Variants in VANGL2 observed in about 807,000 individuals in gnomAD.
VANGL2 encodes VANGL planar cell polarity protein 2.
Under a neutral mutation model 50.2 loss-of-function variants are expected in VANGL2, and 14 were observed. That is an observed-to-expected ratio of 0.28 (90% CI 0.18 to 0.44). The LOEUF (loss-of-function observed/expected upper bound fraction) is 0.44, where lower values mean the gene tolerates loss of function less well. VANGL2 is among the 20% of genes least tolerant of loss of function. The pLI, the probability that VANGL2 is intolerant of heterozygous loss-of-function variation, is 1.00. For missense variants in VANGL2, 533 were observed against 701.5 expected (o/e 0.76, Z 2.71); for synonymous variants, 295 against 297.2 (o/e 0.99, Z 0.08).
In VANGL2 at chr1:160,425,120, C is replaced by T. The variant is rs1486576623; in HGVS notation, c.1308C>T (p.Ala436=). ...FCITHDMTPK[A]FLERYLAAGP... ...GCAGCCCCTTCTTTCCACTTCAGGC[C>T]TTCTTGGAGCGATACTTGGCGGCTG... is the stretch of plus-strand genomic sequence containing the variant. The change falls in exon 8 of 8, where the codon GCC becomes GCT. Residue 436 remains alanine, a splice_region_variant and synonymous_variant. Coordinates refer to ENST00000368061, the MANE Select transcript of VANGL2 (RefSeq NM_020335.3). 6.2e-7 allele frequency: 1 copy of T among 1,613,996 alleles called. No individual in the cohort carries two copies. Among genetic ancestry groups the T allele is most frequent in the Non-Finnish European group, 8.5e-7 (1 of 1,179,952 alleles).
chr1:160,413,840 C>T (rs1336817643), intron 1 of VANGL2, among the ~76,000 whole-genome samples: 1 of 152,186 alleles, frequency 6.6e-6, no homozygotes, highest in African/African-American at 2.4e-5. Flanking sequence ...CCAGCTCAGA[C>T]TGTCCTCCAA....
At chr1:160,411,235 TG>T (rs1650871306) in intron 1 of VANGL2, among the ~76,000 whole-genome samples, 1 of 151,838 alleles carries the variant, frequency 6.6e-6, no homozygotes, top group African/African-American at 2.4e-5. Flanking sequence ...TCTTGGGAAG[TG>T]GGGGGCAAGG....
Position 160,415,920 on chromosome 1 carries a change from T to G in VANGL2, c.71+12T>G. 3 of 1,614,176 alleles carry G rather than the reference T, an allele frequency of 1.9e-6. No individual in the cohort carries two copies. The highest frequency in any genetic ancestry group is 1.1e-5 in the South Asian group (1 of 91,070). ...TCCCGCAAGCACAGGTGGGCAGGCA[T>G]GCAGGGTGACATGCGTGGCGGAGGG... is the stretch of plus-strand genomic sequence containing the variant. On this transcript the variant is annotated intron_variant, in intron 2 of 7. Coordinates refer to ENST00000368061, the MANE Select transcript of VANGL2 (RefSeq NM_020335.3).
At chr1:160,413,479 G>A (rs1420851141) in intron 1 of VANGL2, among the ~76,000 whole-genome samples, 1 of 151,962 alleles carries the variant, frequency 6.6e-6, no homozygotes, top group African/African-American at 2.4e-5. Flanking sequence ...GGCCAGGCTG[G>A]TCTTGAACTC....
chr1:160,421,160 A>T lies in VANGL2; in HGVS notation c.1046A>T (p.Glu349Val). ...TACTACTATGAGGAGGCTGAGCATG[A>T]GCGAAGGGTGCGCAAGAGGAGGGCC... The part of the protein sequence containing the change: ...NEYYYEEAEH[E>V]RRVRKRRARL... Residue 349 changes from glutamate (E) to valine (V), a missense_variant, in exon 6 of 8, where the codon GAG becomes GTG. Physicochemically the swap from Glu to Val is moderately radical, Grantham distance 121. Coordinates refer to ENST00000368061, the MANE Select transcript of VANGL2 (RefSeq NM_020335.3). 6.2e-7 allele frequency: 1 copy of T among 1,613,830 alleles called. No individual in the cohort carries two copies.
rs1651412096 is a variant in VANGL2 at position 160,425,294 on chromosome 1, C to T, written c.1482C>T (p.Val494=). Residue 494 remains valine, a synonymous_variant, in exon 8 of 8, where the codon GTC becomes GTT. Transcript: ENST00000368061. ...GCCTGGTGGTCAGCACCAAGAAGGT[C>T]CCATTCTTCAAACTCTCCGAGGAAT... The part of the protein sequence containing the change: ...DFSLVVSTKK[V]PFFKLSEEFV... 5 of 1,614,006 alleles carry T rather than the reference C, an allele frequency of 3.1e-6. No homozygotes were observed. In the African/African-American group the frequency reaches 6.7e-5, roughly 22 times the overall value.
chr1:160,417,094 C>T (rs1327064026), intron 3 of VANGL2, among the ~76,000 whole-genome samples: 1 of 152,132 alleles, frequency 6.6e-6, no homozygotes, highest in Admixed American at 6.5e-5. Flanking sequence ...GAGGAGATCC[C>T]AAGCCCTTGG....
Position 160,416,109 on chromosome 1 carries a change from G to T in VANGL2, c.119G>T (p.Gly40Val). The change falls in exon 3 of 8, where the codon GGG (glycine) becomes GTG (valine). Residue 40 changes from glycine to valine, a missense_variant. By Grantham distance (109) the Gly-to-Val change is moderately radical. Coordinates refer to ENST00000368061, the MANE Select transcript of VANGL2 (RefSeq NM_020335.3). Reference protein sequence around the residue: ...HRSKSRDGGRGDKSVTIQAPG... With the variant: ...HRSKSRDGGRVDKSVTIQAPG... ...TCTAAGAGTCGAGATGGGGGCCGAGGGGACAAGTCGGTGACAATCCAGGCT... is the reference window on the plus strand; with the variant it reads ...TCTAAGAGTCGAGATGGGGGCCGAGTGGACAAGTCGGTGACAATCCAGGCT... The T allele has an allele frequency of 6.2e-7, 1 of 1,614,220 alleles. No individual in the cohort carries two copies. The highest frequency in any genetic ancestry group is 8.5e-7 in the Non-Finnish European group (1 of 1,180,028).
At chr1:160,413,452 C>T (rs192678316) in intron 1 of VANGL2, among the ~76,000 whole-genome samples, 8 of 151,912 alleles carry the variant, frequency 5.3e-5, no homozygotes, top group Admixed American at 3.9e-4. Flanking sequence ...TTAGTAGAGA[C>T]GGGGTTTCAT....
At position 160,419,617 on chromosome 1, in the gene VANGL2, C is replaced by T; in HGVS notation, c.800+8C>T. ...CAACGTTGGCCATCTCAGGTACTAG[C>T]CCACGGCTGGAGAAGGGTTGGGAGG... On this transcript the variant is annotated splice_region_variant and intron_variant, in intron 4 of 7. Transcript: ENST00000368061. The surrounding 1 kb of genome is among the most constrained non-coding windows in gnomAD (Gnocchi z 5.8). The T allele has an allele frequency of 1.3e-6, 2 of 1,598,200 alleles. No individual in the cohort carries two copies. The highest frequency in any genetic ancestry group is 1.7e-6 in the Non-Finnish European group (2 of 1,179,740).
intron 1 of VANGL2, among the ~76,000 whole-genome samples, chr1:160,409,385 G>T (rs1650797964): frequency 6.6e-6 from 1 of 152,116 alleles, no homozygotes; most frequent in Admixed American, 6.5e-5. Flanking sequence ...GCCCCTTTCA[G>T]CTTGGTGCTG....
rs1234227190 is a variant in VANGL2 at position 160,425,863 on chromosome 1, A to T, written c.*485A>T. 1.3e-5 allele frequency: 2 copies of T among 156,164 alleles called. No individual in the cohort carries two copies. Among genetic ancestry groups the T allele is most frequent in the Non-Finnish European group, 1.4e-5 (1 of 70,472 alleles). 9.7% of individuals were successfully genotyped at this position (156,164 alleles called of 1,614,324 possible). ...AGTGCCAAACTCCTCCAGGGCAGCAACTGGCCCTCCTGTCCCTCACCCCAG... is the reference window on the plus strand; with the variant it reads ...AGTGCCAAACTCCTCCAGGGCAGCATCTGGCCCTCCTGTCCCTCACCCCAG... On this transcript the variant is annotated 3_prime_UTR_variant, in exon 8 of 8. Transcript: ENST00000368061.
chr1:160,405,135 C>T (rs1350382581), intron 1 of VANGL2, among the ~76,000 whole-genome samples: 1 of 152,150 alleles, frequency 6.6e-6, no homozygotes, highest in East Asian at 1.9e-4. Context: ...AACCCTCATC[C>T]TTGTGGGGAG....
chr1:160,407,034 G>C (rs1026744497), intron 1 of VANGL2, among the ~76,000 whole-genome samples: 1 of 152,172 alleles, frequency 6.6e-6, no homozygotes, highest in Non-Finnish European at 1.5e-5. Context: ...GGCCCAGGGG[G>C]TCTGGTTTTT....
chr1:160,415,688 A>G lies in VANGL2; in HGVS notation c.-150A>G, dbSNP rs556864947. ...TTCTCTGAGACAAGCCCACCCGTCC[A>G]GCAAAATAGAGTCCCTCAGGGTGAC... On this transcript the variant is annotated 5_prime_UTR_variant, in exon 2 of 8. Coordinates refer to ENST00000368061, the MANE Select transcript of VANGL2 (RefSeq NM_020335.3). 1.6e-4 allele frequency: 145 copies of G among 886,570 alleles called. 1 individual carries two copies. Among genetic ancestry groups the G allele is most frequent in the South Asian group, 1.4e-3 (95 of 65,596 alleles). 54.9% of individuals were successfully genotyped at this position (886,570 alleles called of 1,614,324 possible). A position where few individuals can be genotyped will look rare whatever the true frequency, so the allele number is the denominator to read the frequency against.
In VANGL2 at chr1:160,421,162, C is replaced by T. The variant is rs1046298527; in HGVS notation, c.1048C>T (p.Arg350Ter). 3 of 1,613,502 alleles carry T rather than the reference C, an allele frequency of 1.9e-6. No individual in the cohort carries two copies. The highest frequency in any genetic ancestry group is 1.7e-5 in the Admixed American group (1 of 59,976). The change falls in exon 6 of 8, where the codon CGA becomes TGA. Residue 350 changes from arginine to a stop codon, truncating the protein, a stop_gained. Transcript: ENST00000368061. LOFTEE classifies it high-confidence loss of function. ...EYYYEEAEHE[R>*]RVRKRRARLV... is the part of the protein sequence containing the mutation. The stretch of plus-strand genomic sequence containing the variant: ...CTACTATGAGGAGGCTGAGCATGAG[C>T]GAAGGGTGCGCAAGAGGAGGGCCAG...
chr1:160,401,099 G>C (rs938688612), intron 1 of VANGL2, among the ~76,000 whole-genome samples: 10 of 152,268 alleles, frequency 6.6e-5, no homozygotes, highest in Admixed American at 2.0e-4. Context: ...TTTGGGGAGG[G>C]GAAGGGGCTC....
Position 160,415,837 on chromosome 1 carries a change from C to T in VANGL2, c.-1C>T. 1 of 1,613,204 alleles carries T rather than the reference C, an allele frequency of 6.2e-7. No individual in the cohort carries two copies. The highest frequency in any genetic ancestry group is 8.5e-7 in the Non-Finnish European group (1 of 1,179,748). Reference sequence around the variant, plus strand: ...GCTACAAGGCGCGGCGTTCAGACGCCATGGACACCGAGTCCCAGTACTCGG... The same window carrying T: ...GCTACAAGGCGCGGCGTTCAGACGCTATGGACACCGAGTCCCAGTACTCGG... On this transcript the variant is annotated 5_prime_UTR_variant, in exon 2 of 8. Transcript: ENST00000368061.
Position 160,421,204 on chromosome 1 carries a change from G to A in VANGL2, c.1073+17G>A. The A allele has an allele frequency of 6.2e-7, 1 of 1,611,860 alleles. No individual in the cohort carries two copies. Among genetic ancestry groups the A allele is most frequent in the East Asian group, 2.2e-5 (1 of 44,874 alleles). ...GAGGGCCAGGTGGGTCCCTGGGGGA[G>A]AAGAGGAGAGGAGGTGCTTGTTGGG... On this transcript the variant is annotated intron_variant, in intron 6 of 7. Transcript: ENST00000368061.
Sources: gnomAD v4.1 joint callset for allele counts (sites outside exome capture counted in the v4.1 genomes callset) on GRCh38, gnomAD v4.1.1 for gene constraint, Gnocchi (gnomAD v3.1) non-coding constraint, MANE v1.5 for transcripts, NCBI Gene and HGNC (gene_info 2026-07-23, HGNC 2026-07-21) for gene names.